The following C11orf65 variants were observed in gnomAD, a reference collection of about 807,000 sequenced individuals.
C11orf65 encodes chromosome 11 open reading frame 65, also known as protein MFI.
In C11orf65, 38 loss-of-function variants were observed where a neutral mutation model predicts 35.3. That is an observed-to-expected ratio of 1.08 (90% CI 0.83 to 1.41). The LOEUF is 1.41. Ranked by LOEUF, C11orf65 falls within the 40% of genes most tolerant of loss-of-function variation. The pLI is 0.00. For synonymous variants in C11orf65, 105 were observed against 114.4 expected, an observed-to-expected ratio of 0.92 and a Z score of 0.53; for missense variants, 370 against 367.1, an observed-to-expected ratio of 1.01 and a Z score of -0.06.
chr11:108,463,924 ATTTTT>A (rs10677306), intron 1 of C11orf65, among the ~76,000 whole-genome samples: 3 of 132,440 alleles, frequency 2.3e-5, no homozygotes, highest in African/African-American at 5.7e-5. Context: ...AGATTTGTTA[ATTTTT>A]TTTTTTTTTT....
At chr11:108,315,708 A>G in intron 6 of C11orf65, 2 of 758,618 alleles carry the variant, frequency 2.6e-6, no homozygotes, top group South Asian at 1.6e-5. Context: ...TTATTTCTAT[A>G]ACATAACATT....
chr11:108,387,858 T>C (rs2092049423), intron 7 of C11orf65, among the ~76,000 whole-genome samples: 1 of 152,166 alleles, frequency 6.6e-6, no homozygotes, highest in Admixed American at 6.5e-5. Flanking sequence ...CAATCAGACG[T>C]TGTGTCTGAA....
At chr11:108,310,447 G>T in intron 6 of C11orf65, 1 of 843,278 alleles carries the variant, frequency 1.2e-6, no homozygotes, top group Non-Finnish European at 1.8e-6. Flanking sequence ...TTGTTTTAAA[G>T]TGAAATTATA....
chr11:108,458,803 C>T (rs1221362678), intron 2 of C11orf65, among the ~76,000 whole-genome samples: 2 of 152,164 alleles, frequency 1.3e-5, no homozygotes, highest in Non-Finnish European at 1.5e-5. Context: ...ACATTCCCGT[C>T]ACAGCCATCC....
chr11:108,365,108 C>T lies in C11orf65; in HGVS notation c.226+28100G>A. 6.2e-7 allele frequency: 1 copy of T among 1,614,118 alleles called. No individual in the cohort carries two copies. Among genetic ancestry groups the T allele is most frequent in the South Asian group, 1.1e-5 (1 of 91,080 alleles). On this transcript the variant is annotated intron_variant, in intron 2 of 3. Coordinates refer to the C11orf65 transcript ENST00000524755. Reference sequence around the variant, plus strand: ...TCCTTCTATATGATCCACTCTTTGACTGGACCATGAATCCTTTGAAAGCTT... The same window carrying T: ...TCCTTCTATATGATCCACTCTTTGATTGGACCATGAATCCTTTGAAAGCTT...
chr11:108,427,511 A>G (rs946819191), intron 3 of C11orf65, among the ~76,000 whole-genome samples: 2 of 151,180 alleles, frequency 1.3e-5, no homozygotes, highest in Non-Finnish European at 3.0e-5. Context: ...CGAGGTCAGG[A>G]GATCGAGACC....
intron 3 of C11orf65, among the ~76,000 whole-genome samples, chr11:108,332,225 C>A (rs930400221): frequency 1.3e-5 from 2 of 151,922 alleles, no homozygotes; most frequent in African/African-American, 2.4e-5. Context: ...GTCAGAAGTT[C>A]GAGACCATCC....
At position 108,312,487 on chromosome 11, in the gene C11orf65, A is replaced by G. The variant is rs1201228506; in HGVS notation, c.641-3416T>C. ...TGAAAAAAGTAAAGAAGAAACTGGAATAAGTTTACAGGTAAATATTAGAGG... is the reference window on the plus strand; with the variant it reads ...TGAAAAAAGTAAAGAAGAAACTGGAGTAAGTTTACAGGTAAATATTAGAGG... On this transcript the variant is annotated intron_variant, in intron 6 of 6. Transcript: ENST00000525729. The G allele has an allele frequency of 1.3e-6, 2 of 1,565,294 alleles. No individual in the cohort carries two copies. The highest frequency in any genetic ancestry group is 1.8e-6 in the Non-Finnish European group (2 of 1,135,938).
chr11:108,374,137 G>C (rs558061989), intron 2 of C11orf65, among the ~76,000 whole-genome samples: 51 of 152,272 alleles, frequency 3.3e-4, no homozygotes, highest in Admixed American at 1.5e-3. Flanking sequence ...GAGAGCAGTG[G>C]TTCTCCCAGC....
chr11:108,451,954 G>T (rs367835709), intron 2 of C11orf65, among the ~76,000 whole-genome samples: 5 of 152,022 alleles, frequency 3.3e-5, no homozygotes, highest in Admixed American at 6.6e-5. Flanking sequence ...GTTAGCCATA[G>T]GTAGAAAGCT....
At chr11:108,432,332 G>C (rs1292475963) in intron 2 of C11orf65, among the ~76,000 whole-genome samples, 1 of 152,168 alleles carries the variant, frequency 6.6e-6, no homozygotes, top group Non-Finnish European at 1.5e-5. Flanking sequence ...ATTAATATTT[G>C]TAGAGCATGT....
chr11:108,429,684 T>C (rs976601640), intron 3 of C11orf65, among the ~76,000 whole-genome samples: 1 of 152,202 alleles, frequency 6.6e-6, no homozygotes, highest in East Asian at 1.9e-4. Context: ...AAAGAGATAT[T>C]TGTATAACCA....
At chr11:108,423,399 A>T (rs1486551439) in intron 3 of C11orf65, among the ~76,000 whole-genome samples, 1 of 152,078 alleles carries the variant, frequency 6.6e-6, no homozygotes, top group Non-Finnish European at 1.5e-5. Context: ...TGGTGGGGGG[A>T]GGGACATCTG....
At position 108,335,958 on chromosome 11, in the gene C11orf65, T is replaced by C. The variant is rs758654836; in HGVS notation, c.227-666A>G. 20 of 1,603,202 alleles carry C rather than the reference T, an allele frequency of 1.2e-5. No individual in the cohort carries two copies. The East Asian group carries it at 2.5e-4, about 20-fold the overall frequency. On this transcript the variant is annotated intron_variant, in intron 2 of 3. Transcript: ENST00000524755. ...AGAGGAAATTAACTATCTGTACTTA[T>C]AAGGTAACTATTTGTACTTCTGTTA...
chr11:108,325,205 T>G, intron 6 of C11orf65: 1 of 785,960 alleles, frequency 1.3e-6, no homozygotes. Flanking sequence ...AAAAGTTCCT[T>G]TGTATTATTA....
chr11:108,394,128 C>G lies in C11orf65; in HGVS notation c.561-750G>C, dbSNP rs922732225. Among the ~76,000 whole-genome samples, 3 of 138,618 alleles carry G rather than the reference C, an allele frequency of 2.2e-5. No individual in the cohort carries two copies. In the Admixed American group the frequency reaches 2.6e-4, roughly 12 times the overall value. The allele number at this position is 138,618 out of a possible 152,430, so 90.9% of individuals were successfully genotyped here. On this transcript the variant is annotated intron_variant, in intron 6 of 8. Coordinates refer to ENST00000393084, the MANE Select transcript of C11orf65 (RefSeq NM_152587.5). The stretch of plus-strand genomic sequence containing the variant: ...CTGGGAGGTGGAGGTTGCAGCGAGC[C>G]GAGATCATGAAACTGCACTCCAGCC...
chr11:108,368,693 G>T (rs2091455036), intron 2 of C11orf65: 1 of 216,900 alleles, frequency 4.6e-6, no homozygotes, highest in Non-Finnish European at 9.3e-6. Flanking sequence ...ATTATAGACT[G>T]CTTGAACAGT....
intron 2 of C11orf65, among the ~76,000 whole-genome samples, chr11:108,349,803 G>A (rs1479955997): frequency 6.6e-6 from 1 of 152,120 alleles, no homozygotes; most frequent in Non-Finnish European, 1.5e-5. Flanking sequence ...AGATATTGAA[G>A]ATACAGGAGA....
At chr11:108,427,097 C>G (rs1224548411) in intron 3 of C11orf65, among the ~76,000 whole-genome samples, 1 of 152,090 alleles carries the variant, frequency 6.6e-6, no homozygotes, top group Non-Finnish European at 1.5e-5. Context: ...TAGAAGAAAA[C>G]CTAGGCAATA....
Sources: allele counts gnomAD v4.1 joint callset (sites outside exome capture counted in the v4.1 genomes callset), GRCh38; gene constraint gnomAD v4.1.1; transcripts MANE v1.5; gene names NCBI Gene and HGNC (gene_info 2026-07-23, HGNC 2026-07-21).